RORB: variants seen among roughly 807,000 people sequenced by gnomAD.
RORB encodes nuclear receptor ROR-beta.
A neutral mutation model predicts 59.1 loss-of-function variants in RORB; 6 were observed. The observed-to-expected ratio is 0.10, with a 90% confidence interval of 0.06 to 0.20. The LOEUF (loss-of-function observed/expected upper bound fraction) is 0.20, where lower values mean the gene tolerates loss of function less well. RORB is among the 10% of genes least tolerant of loss of function. RORB has a pLI of 1.00. For missense variants in RORB, 320 were observed against 560.5 expected (o/e 0.57, Z 4.33); for synonymous variants, 215 against 204.5 (o/e 1.05, Z -0.44).
rs202078569 is a variant in RORB, at chr9:74,666,998, C to G, written c.1001-793C>G. ...TGTTAGTTGATATGGCAGCCAACAA[C>G]AAGTCCATCGGGGCTGGCAATGTTT... On this transcript the variant is annotated intron_variant, in intron 7 of 9. Transcript: ENST00000376896. Among the ~76,000 whole-genome samples, 6 of 152,204 alleles carry G rather than the reference C, an allele frequency of 3.9e-5. No individual in the cohort carries two copies. In the East Asian group the frequency reaches 1.2e-3, roughly 29 times the overall value.
At chr9:74,550,073 T>G (rs777844056) in intron 1 of RORB, among the ~76,000 whole-genome samples, 1 of 152,120 alleles carries the variant, frequency 6.6e-6, no homozygotes, top group Non-Finnish European at 1.5e-5. Flanking sequence ...CACTAAGCAA[T>G]TGCATCAATT....
At chr9:74,677,853 T>C (rs1036518000) in intron 9 of RORB, among the ~76,000 whole-genome samples, 2 of 152,188 alleles carry the variant, frequency 1.3e-5, no homozygotes, top group African/African-American at 4.8e-5. Context: ...TAGGGCGAAG[T>C]AGGAAGAGTT....
At chr9:74,504,316 A>C (rs1825839917) in intron 1 of RORB, among the ~76,000 whole-genome samples, 1 of 152,170 alleles carries the variant, frequency 6.6e-6, no homozygotes, top group Non-Finnish European at 1.5e-5. Flanking sequence ...GTTAGTAGTT[A>C]TTTTATAAAT....
chr9:74,607,006 G>A (rs1270067779), intron 1 of RORB, among the ~76,000 whole-genome samples: 2 of 152,176 alleles, frequency 1.3e-5, no homozygotes, highest in African/African-American at 2.4e-5. Context: ...AAAATTCTGA[G>A]CTAGCATGGA....
intron 1 of RORB, among the ~76,000 whole-genome samples, chr9:74,580,235 G>C (rs1236423946): frequency 6.6e-6 from 1 of 152,132 alleles, no homozygotes; most frequent in Non-Finnish European, 1.5e-5. Context: ...CTCAACAAGA[G>C]TGTAAGTGGA....
chr9:74,570,900 A>AT (rs1487414829), intron 1 of RORB, among the ~76,000 whole-genome samples: 1 of 151,854 alleles, frequency 6.6e-6, no homozygotes, highest in African/African-American at 2.4e-5. Context: ...TATTATTAAT[A>AT]TTTTTTAAAG....
At chr9:74,653,534 G>A (rs1824029904) in intron 4 of RORB, among the ~76,000 whole-genome samples, 1 of 151,986 alleles carries the variant, frequency 6.6e-6, no homozygotes, top group Admixed American at 6.5e-5. Flanking sequence ...TTCTTTCTCA[G>A]GAGGAAAAAA....
chr9:74,613,860 C>T (rs1369134367), intron 1 of RORB, among the ~76,000 whole-genome samples: 1 of 152,152 alleles, frequency 6.6e-6, no homozygotes, highest in Non-Finnish European at 1.5e-5. Flanking sequence ...TAATTCACTT[C>T]GGATAATGGC....
At chr9:74,653,953 T>C (rs1824037014) in intron 4 of RORB, among the ~76,000 whole-genome samples, 1 of 152,188 alleles carries the variant, frequency 6.6e-6, no homozygotes, top group Non-Finnish European at 1.5e-5. Flanking sequence ...CAAGACATCG[T>C]CACCTTGCTT....
intron 1 of RORB, among the ~76,000 whole-genome samples, chr9:74,629,071 C>T (rs112812647): frequency 6.6e-6 from 1 of 152,216 alleles, no homozygotes; most frequent in African/African-American, 2.4e-5. Context: ...CTAGGAGTCA[C>T]CTTTGACTCT....
At chr9:74,572,772 A>T (rs969440558) in intron 1 of RORB, among the ~76,000 whole-genome samples, 1 of 152,170 alleles carries the variant, frequency 6.6e-6, no homozygotes, top group Non-Finnish European at 1.5e-5. Context: ...TAATTACTTT[A>T]TATGTTTCCT....
chr9:74,594,524 C>T (rs1822944739), intron 1 of RORB, among the ~76,000 whole-genome samples: 1 of 152,072 alleles, frequency 6.6e-6, no homozygotes, highest in Non-Finnish European at 1.5e-5. Flanking sequence ...ATGTAGTATA[C>T]TTAATACAAT....
chr9:74,514,424 G>GA, intron 1 of RORB, among the ~76,000 whole-genome samples: 1 of 151,952 alleles, frequency 6.6e-6, no homozygotes, highest in Non-Finnish European at 1.5e-5. Flanking sequence ...ATGTGTAAAT[G>GA]AAAAATCATG....
Position 74,526,236 on chromosome 9 carries a change from A to G in RORB, c.7+28253A>G, listed in dbSNP as rs116121106. Among the ~76,000 whole-genome samples the G allele has an allele frequency of 5.9e-3, 891 of 152,096 alleles. 3 individuals carry two copies. Among genetic ancestry groups the G allele is most frequent in the African/African-American group, 0.021 (859 of 41,522 alleles). On this transcript the variant is annotated intron_variant, in intron 1 of 9. Transcript: ENST00000376896. ...CACTTTCACTTTCACAAAAACCCCC[A>G]AAATGATTCTTACTCTAAAGCTTGA...
chr9:74,509,338 T>C (rs935527425), intron 1 of RORB, among the ~76,000 whole-genome samples: 17 of 152,080 alleles, frequency 1.1e-4, no homozygotes, highest in African/African-American at 4.1e-4. Flanking sequence ...CCTGGAAAGT[T>C]CCAAATATTT....
intron 1 of RORB, among the ~76,000 whole-genome samples, chr9:74,518,057 T>C (rs898633376): frequency 4.6e-5 from 7 of 152,004 alleles, no homozygotes; most frequent in African/African-American, 1.4e-4. Flanking sequence ...TTAACAGCTC[T>C]GCCCTCCCCA....
intron 9 of RORB, among the ~76,000 whole-genome samples, chr9:74,680,466 T>C (rs913223618): frequency 6.6e-6 from 1 of 152,156 alleles, no homozygotes; most frequent in African/African-American, 2.4e-5. Flanking sequence ...TCAGTCTGGT[T>C]TCCTATTCCA....
chr9:74,667,281 A>G (rs1269355033), intron 7 of RORB, among the ~76,000 whole-genome samples: 2 of 152,232 alleles, frequency 1.3e-5, no homozygotes, highest in Non-Finnish European at 2.9e-5. Flanking sequence ...GCGAAACTGA[A>G]GTGCATCTCA....
chr9:74,644,194 T>C (rs1270351919), intron 4 of RORB, among the ~76,000 whole-genome samples: 1 of 152,178 alleles, frequency 6.6e-6, no homozygotes, highest in Non-Finnish European at 1.5e-5. Flanking sequence ...TGTTACACAG[T>C]TATAAACCTG....
Sources: allele counts gnomAD v4.1 joint callset (sites outside exome capture counted in the v4.1 genomes callset), GRCh38; gene constraint gnomAD v4.1.1; transcripts MANE v1.5; gene names NCBI Gene and HGNC (gene_info 2026-07-23, HGNC 2026-07-21).